CHRNA2: variants seen among roughly 807,000 people sequenced by gnomAD.
CHRNA2 encodes neuronal acetylcholine receptor subunit alpha-2.
In CHRNA2, 40 loss-of-function variants were observed where a neutral mutation model predicts 45.5. The ratio of observed to expected loss-of-function variants is 0.88; its 90% confidence interval spans 0.68 to 1.15. The LOEUF (loss-of-function observed/expected upper bound fraction) is 1.15, where lower values mean the gene tolerates loss of function less well. Ranked by LOEUF, CHRNA2 falls within the 50% of genes most tolerant of loss-of-function variation. The probability of loss-of-function intolerance (pLI) is 0.00; values close to 1 mark genes in which losing one functional copy is unlikely to be tolerated. For synonymous variants in CHRNA2, 301 were observed against 296.7 expected (o/e 1.01, Z -0.15); for missense variants, 655 against 701.7 (o/e 0.93, Z 0.75).
At position 27,463,325 on chromosome 8, in the gene CHRNA2, C is replaced by T; in HGVS notation, c.1118G>A (p.Cys373Tyr). 6.2e-7 allele frequency: 1 copy of T among 1,612,852 alleles called. No homozygotes were observed. Among genetic ancestry groups the T allele is most frequent in the South Asian group, 1.1e-5 (1 of 91,080 alleles). Reference protein sequence around the residue: ...PHWVRGALLGCVPRWLLMNRP... With the variant: ...PHWVRGALLGYVPRWLLMNRP... ...GTTCATCAGAAGCCACCGGGGCACA[C>T]AGCCCAGAAGGGCCCCCCGCACCCA... Residue 373 changes from cysteine (C) to tyrosine (Y), a missense_variant, in exon 6 of 7, where the codon TGT becomes TAT. Cys to Tyr is a radical substitution (Grantham distance 194). Transcript: ENST00000407991. This position sits in a 1 kb window ranked among gnomAD's most constrained non-coding sequence, Gnocchi z 6.1.
rs189738419 is a variant in CHRNA2, at chr8:27,461,901, C to G, written c.1465-147G>C. On this transcript the variant is annotated intron_variant, in intron 6 of 6. Transcript: ENST00000407991. ...GGGGAGCAAAGGTCAGCACAGGGAG[C>G]GGGGTGAGTGGAAGGGAGGGACGGG... is the stretch of plus-strand genomic sequence containing the variant. The G allele has an allele frequency of 2.7e-6, 3 of 1,110,696 alleles. No homozygotes were observed. The African/African-American group carries it at 4.6e-5, about 17-fold the overall frequency. 68.8% of individuals were successfully genotyped at this position (1,110,696 alleles called of 1,614,324 possible).
In CHRNA2 at chr8:27,469,353, G is replaced by C. The variant is rs886044444; in HGVS notation, c.321C>G (p.Thr107=). 6.4e-7 allele frequency: 1 copy of C among 1,556,900 alleles called. No individual in the cohort carries two copies. The highest frequency in any genetic ancestry group is 8.7e-7 in the Non-Finnish European group (1 of 1,149,674). ...CCCTCACCTGTTTTAGCCAGACGTT[G>C]GTGGTCATCATTTGGTTCTTCTCAT... The part of the protein sequence containing the change: ...DVDEKNQMMT[T]NVWLKQEWSD... The change falls in exon 4 of 7, where the codon ACC becomes ACG. Residue 107 remains threonine (T), a synonymous_variant. Transcript: ENST00000407991.
rs1421095933 is a variant in CHRNA2 at position 27,471,099 on chromosome 8, T to C, written c.-41A>G. The C allele has an allele frequency of 6.3e-7, 1 of 1,584,336 alleles. No individual in the cohort carries two copies. Among genetic ancestry groups the C allele is most frequent in the Admixed American group, 1.7e-5 (1 of 59,738 alleles). ...TCAGGAGGTCAGGTCAGGGCTTTGC[T>C]GTGGGTTGCACCATGGACCATGTCC... On this transcript the variant is annotated 5_prime_UTR_variant, in exon 2 of 7. Transcript: ENST00000407991.
chr8:27,464,062 C>G, intron 5 of CHRNA2, 69 bp from the exon 6 acceptor site: 1 of 1,587,812 alleles, frequency 6.3e-7, no homozygotes, highest in Non-Finnish European at 8.6e-7. Context: ...ACTCAGAGAG[C>G]TGGCAGCAGG....
intron 1 of CHRNA2, among the ~76,000 whole-genome samples, chr8:27,476,693 C>G (rs143466269): frequency 6.6e-6 from 1 of 152,152 alleles, no homozygotes; most frequent in Non-Finnish European, 1.5e-5. Context: ...TGGCTCAGTG[C>G]CATCTAGAAG....
chr8:27,476,544 T>TTCTCTGC (rs1586407895), intron 1 of CHRNA2, among the ~76,000 whole-genome samples: 1 of 152,350 alleles, frequency 6.6e-6, no homozygotes, highest in East Asian at 1.9e-4. Context: ...TGAAGTTTTT[T>TTCTCTGC]TCTCTGCTCT....
chr8:27,475,054 A>G (rs1291736682), intron 1 of CHRNA2, among the ~76,000 whole-genome samples: 1 of 152,224 alleles, frequency 6.6e-6, no homozygotes, highest in Non-Finnish European at 1.5e-5. Context: ...CAGGAATTAG[A>G]GGTGATTATT....
chr8:27,464,489 C>T (rs574327205), intron 5 of CHRNA2, among the ~76,000 whole-genome samples: 61 of 152,024 alleles, frequency 4.0e-4, no homozygotes, highest in Middle Eastern at 3.4e-3. Context: ...GCATCTCTTC[C>T]AAAGTTCGTG....
Position 27,469,946 on chromosome 8 carries a change from G to C in CHRNA2, c.109C>G (p.Pro37Ala). 1.2e-6 allele frequency: 2 copies of C among 1,614,042 alleles called. No individual in the cohort carries two copies. The highest frequency in any genetic ancestry group is 2.2e-5 in the South Asian group (2 of 91,086). ...CTGGGAGAGGAGAGTGGGTCTCCAGGAGCCCTGGGAGGTGGGCGCTTAGCT... is the reference window on the plus strand; with the variant it reads ...CTGGGAGAGGAGAGTGGGTCTCCAGCAGCCCTGGGAGGTGGGCGCTTAGCT... ...EEAKRPPPRAPGDPLSSPSPT... is the reference protein window; with the variant it reads ...EEAKRPPPRAAGDPLSSPSPT... Residue 37 changes from proline (P) to alanine (A), a missense_variant, in exon 3 of 7, where the codon CCT (proline) becomes GCT (alanine). Transcript: ENST00000407991.
intron 1 of CHRNA2, chr8:27,475,140 T>C (rs1813022060): frequency 6.6e-6 from 1 of 152,220 alleles, no homozygotes; most frequent in Non-Finnish European, 1.5e-5. Flanking sequence ...ATAAAAATAA[T>C]TTTCAAGCAG....
At chr8:27,466,604 C>A (rs1456498201) in intron 5 of CHRNA2, among the ~76,000 whole-genome samples, 2 of 152,192 alleles carry the variant, frequency 1.3e-5, no homozygotes, top group Non-Finnish European at 2.9e-5. Flanking sequence ...TTCATTTTAA[C>A]TTCTTTACTT....
chr8:27,467,252 G>T lies in CHRNA2; in HGVS notation c.426C>A (p.Ile142=). The part of the protein sequence containing the change: ...SLRVPSEMIW[I]PDIVLYNNAD... ...ACTTGTTGTAGAGAACAATGTCGGG[G>T]ATCCAGATCATCTCAGAAGGGACCC... The change falls in exon 5 of 7, where the codon ATC becomes ATA. Residue 142 remains isoleucine, a synonymous_variant. Transcript: ENST00000407991. The T allele has an allele frequency of 6.2e-7, 1 of 1,613,864 alleles. No individual in the cohort carries two copies. The highest frequency in any genetic ancestry group is 2.2e-5 in the East Asian group (1 of 44,880).
Position 27,463,888 on chromosome 8 carries a change from G to A in CHRNA2, c.555C>T (p.Ile185=), listed in dbSNP as rs771350209. 4 of 1,614,074 alleles carry A rather than the reference G, an allele frequency of 2.5e-6. No individual in the cohort carries two copies. Among genetic ancestry groups the A allele is most frequent in the East Asian group, 2.2e-5 (1 of 44,896 alleles). Residue 185 remains isoleucine, a synonymous_variant, in exon 6 of 7, where the codon ATC becomes ATT. Coordinates refer to ENST00000407991, the MANE Select transcript of CHRNA2 (RefSeq NM_000742.4). This position sits in a 1 kb window ranked among gnomAD's most constrained non-coding sequence, Gnocchi z 6.1. ...GGTCGAAGGGGAAGAAGGTGACGTC[G>A]ATGCTGCAGGAGCTCTTGTAGATGG... is the stretch of plus-strand genomic sequence containing the variant. ...PPAIYKSSCS[I]DVTFFPFDQQ...
Position 27,463,042 on chromosome 8 carries a change from C to T in CHRNA2, c.1401G>A (p.Gln467=), listed in dbSNP as rs765154757. Residue 467 remains glutamine, a synonymous_variant, in exon 6 of 7, where the codon CAG becomes CAA. Transcript: ENST00000407991. This position sits in a 1 kb window ranked among gnomAD's most constrained non-coding sequence, Gnocchi z 6.1. ...EGELLLSPHM[Q]KALEGVHYIA... ...TGTAGTGCACACCTTCCAGTGCCTT[C>T]TGCATGTGGGGTGATAGCAGCAGCT... is the stretch of plus-strand genomic sequence containing the variant. The T allele has an allele frequency of 2.5e-6, 4 of 1,613,984 alleles. No individual in the cohort carries two copies. The Middle Eastern group carries it at 4.9e-4, about 200-fold the overall frequency.
At position 27,471,207 on chromosome 8, in the gene CHRNA2, A is replaced by G. The variant is rs1424255978; in HGVS notation, c.-136-13T>C. ...CTCACCACCGAACCTGAGCAAGCCC[A>G]AGAAAGGGCTCTTAGGGTCATGCAT... On this transcript the variant is annotated splice_polypyrimidine_tract_variant and intron_variant, in intron 1 of 6. Coordinates refer to ENST00000407991, the MANE Select transcript of CHRNA2 (RefSeq NM_000742.4). 1 of 713,746 alleles carries G rather than the reference A, an allele frequency of 1.4e-6. No individual in the cohort carries two copies. The highest frequency in any genetic ancestry group is 2.5e-6 in the Non-Finnish European group (1 of 394,756). The allele number at this position is 713,746 out of a possible 1,614,324, so 44.2% of individuals were successfully genotyped here. A position where few individuals can be genotyped will look rare whatever the true frequency, so the allele number is the denominator to read the frequency against.
In CHRNA2 at chr8:27,461,547, G is replaced by A; in HGVS notation, c.*82C>T. 6.3e-7 allele frequency: 1 copy of A among 1,598,084 alleles called. No homozygotes were observed. The highest frequency in any genetic ancestry group is 8.6e-7 in the Non-Finnish European group (1 of 1,167,514). On this transcript the variant is annotated 3_prime_UTR_variant, in exon 7 of 7. Transcript: ENST00000407991. ...GAGAGGCACCTGCTCATCCCAAAGG[G>A]GACACCAGAGGCAGCTGTAGCAGAG...
At chr8:27,477,839 T>G (rs948777449) in intron 1 of CHRNA2, among the ~76,000 whole-genome samples, 1 of 152,064 alleles carries the variant, frequency 6.6e-6, no homozygotes, top group Non-Finnish European at 1.5e-5. Context: ...TAAAAGAGAT[T>G]GCATACGTAA....
intron 5 of CHRNA2, among the ~76,000 whole-genome samples, chr8:27,465,253 G>A (rs1034359039): frequency 1.3e-5 from 2 of 152,010 alleles, no homozygotes; most frequent in African/African-American, 4.8e-5. Context: ...TCCTGCTCTA[G>A]TCTTTAACCA....
At chr8:27,469,250 T>C in intron 4 of CHRNA2, 85 bp downstream of exon 4, 2 of 1,315,882 alleles carry the variant, frequency 1.5e-6, no homozygotes, top group South Asian at 2.5e-5. Context: ...TCCTTGGTCT[T>C]TCACTAGCGA....
Sources: gnomAD v4.1 joint callset for allele counts (sites outside exome capture counted in the v4.1 genomes callset) on GRCh38, gnomAD v4.1.1 for gene constraint, Gnocchi (gnomAD v3.1) non-coding constraint, MANE v1.5 for transcripts, NCBI Gene and HGNC (gene_info 2026-07-23, HGNC 2026-07-21) for gene names.